The following RCOR2 variants were observed in gnomAD, a reference collection of about 807,000 sequenced individuals.
RCOR2 encodes the protein REST corepressor 2.
RCOR2 carries 19 observed loss-of-function variants against 58.9 expected under a neutral mutation model. The observed-to-expected ratio is 0.32, with a 90% CI of 0.23 to 0.47. The LOEUF is 0.47. Among genes scored for constraint, RCOR2 ranks in the 20% least tolerant of loss-of-function variants. RCOR2 has a pLI of 1.00. For missense variants in RCOR2, 590 were observed against 707.9 expected, an observed-to-expected ratio of 0.83 and a Z score of 1.89; for synonymous variants, 286 against 278.7, an observed-to-expected ratio of 1.03 and a Z score of -0.26.
At position 63,914,772 on chromosome 11, in the gene RCOR2, C is replaced by T. The variant is rs146976071; in HGVS notation, c.363G>A (p.Ser121=). ...LLWHKHDVEK[S]LADLANFTPF... is the part of the protein sequence containing the mutation. ...GGGTGAAGTTGGCCAGGTCGGCCAG[C>T]GACTTCTCCACATCGTGCTTATGCC... The change falls in exon 5 of 12, where the codon TCG becomes TCA. Residue 121 remains serine (S), a synonymous_variant. Coordinates refer to ENST00000301459, the MANE Select transcript of RCOR2 (RefSeq NM_173587.4). 7.2e-4 allele frequency: 1,167 copies of T among 1,612,438 alleles called. 8 individuals are homozygous for T. The African/African-American group carries it at 0.013, about 19-fold the overall frequency.
the RCOR2 span, among the ~76,000 whole-genome samples, chr11:63,924,318 C>T: frequency 6.6e-6 from 1 of 152,190 alleles, no homozygotes; most frequent in Non-Finnish European, 1.5e-5. Context: ...AGCAATTCTC[C>T]TGCCTCAGTC....
chr11:63,919,231 C>A (rs865945286), upstream of RCOR2, among the ~76,000 whole-genome samples: 4 of 152,156 alleles, frequency 2.6e-5, no homozygotes, highest in African/African-American at 9.6e-5. Context: ...TAGTGAAGAA[C>A]CCCCTCATGG....
the RCOR2 span, among the ~76,000 whole-genome samples, chr11:63,922,789 A>G: frequency 2.6e-5 from 4 of 152,300 alleles, no homozygotes; most frequent in East Asian, 7.7e-4. Context: ...GATCCAGCCA[A>G]ACAGGTGGCT....
chr11:63,916,990 G>A lies in RCOR2; in HGVS notation c.-534C>T, dbSNP rs1022710608. 4.1e-5 allele frequency: 6 copies of A among 147,830 alleles called. No homozygotes were observed. Among genetic ancestry groups the A allele is most frequent in the African/African-American group, 1.5e-4 (6 of 41,056 alleles). 9.2% of individuals were successfully genotyped at this position (147,830 alleles called of 1,614,324 possible). A position where few individuals can be genotyped will look rare whatever the true frequency, so the allele number is the denominator to read the frequency against. On this transcript the variant is annotated 5_prime_UTR_variant, in exon 1 of 12. Transcript: ENST00000301459. The stretch of plus-strand genomic sequence containing the variant: ...CACCGGCGGCGGCGGCGGCGGCGAC[G>A]GCGGCGGGACGGCGCGCACGGCGCG...
At chr11:63,927,029 G>A in the RCOR2 span, among the ~76,000 whole-genome samples, 5 of 151,042 alleles carry the variant, frequency 3.3e-5, no homozygotes, top group East Asian at 4.0e-4. Context: ...TTCACCATGG[G>A]TCTTGTACTG....
At chr11:63,913,852 G>A (rs74907710) in intron 8 of RCOR2, 102 bp downstream of exon 8, 41,978 of 1,085,338 alleles carry the variant, frequency 0.039, 1,038 homozygotes, top group Non-Finnish European at 0.047. Context: ...GATGGGGCTC[G>A]GCCCCTGAAC....
chr11:63,917,713 G>T (rs1350318592), upstream of RCOR2, among the ~76,000 whole-genome samples: 2 of 152,174 alleles, frequency 1.3e-5, no homozygotes, highest in East Asian at 3.9e-4. Context: ...GGTCCCCAAG[G>T]GTCGCCCCAA....
upstream of RCOR2, among the ~76,000 whole-genome samples, chr11:63,919,198 G>C (rs899792840): frequency 6.6e-6 from 1 of 152,068 alleles, no homozygotes; most frequent in Non-Finnish European, 1.5e-5. Context: ...GGGGCCACGG[G>C]GTCCAGAGGG....
Position 63,911,982 on chromosome 11 carries a change from G to T in RCOR2, c.1455C>A (p.Pro485=). The T allele has an allele frequency of 7.4e-7, 1 of 1,348,980 alleles. No individual in the cohort carries two copies. Among genetic ancestry groups the T allele is most frequent in the Non-Finnish European group, 9.8e-7 (1 of 1,018,126 alleles). 83.6% of individuals were successfully genotyped at this position (1,348,980 alleles called of 1,614,324 possible). The stretch of plus-strand genomic sequence containing the variant: ...GAGCGGGGCGGATGAGAGGCGGTGG[G>T]GGCTGGTTGGGGGCCAGCCGGGGCT... ...FLQPRLAPNQ[P]PPPLIRPALA... is the part of the protein sequence containing the mutation. The change falls in exon 12 of 12, where the codon CCC becomes CCA. Residue 485 remains proline (P), a synonymous_variant. Transcript: ENST00000301459.
Position 63,915,177 on chromosome 11 carries a change from C to T in RCOR2, c.265+1G>A, listed in dbSNP as rs1302700160. The T allele has an allele frequency of 3.2e-6, 5 of 1,551,058 alleles. No individual in the cohort carries two copies. The highest frequency in any genetic ancestry group is 4.4e-6 in the Non-Finnish European group (5 of 1,146,610). ...ACCTCCCAGGGCTGTGCCCCACTCA[C>T]GCTTGGCATCTGACACACAGTGGTT... On this transcript the variant is annotated splice_donor_variant, in intron 3 of 11. Transcript: ENST00000301459. LOFTEE classifies it high-confidence loss of function.
chr11:63,926,785 T>TG, the RCOR2 span, among the ~76,000 whole-genome samples: 1 of 127,966 alleles, frequency 7.8e-6, no homozygotes, highest in African/African-American at 2.8e-5. Flanking sequence ...GCCTGTTTTT[T>TG]TTTTTTGTTT....
chr11:63,913,455 G>T (rs1355618719), intron 8 of RCOR2, among the ~76,000 whole-genome samples: 1 of 149,580 alleles, frequency 6.7e-6, no homozygotes, highest in Non-Finnish European at 1.5e-5. Context: ...CTCCCAAAGT[G>T]CTGGGATTAC....
Position 63,912,885 on chromosome 11 carries a change from T to C in RCOR2, c.954A>G (p.Pro318=). The change falls in exon 9 of 12, where the codon CCA becomes CCG. Residue 318 remains proline, a synonymous_variant. Transcript: ENST00000301459. ...LRQALEGGID[P]LRPPEANTKF... is the part of the protein sequence containing the mutation. Reference sequence around the variant, plus strand: ...GCAGCCATACCTCCGGGGGGCGTAGTGGATCAATACCGCCCTCCAGGGCTT... The same window carrying C: ...GCAGCCATACCTCCGGGGGGCGTAGCGGATCAATACCGCCCTCCAGGGCTT... The C allele has an allele frequency of 1.2e-6, 2 of 1,613,818 alleles. No homozygotes were observed. The highest frequency in any genetic ancestry group is 2.2e-5 in the South Asian group (2 of 91,058).
upstream of RCOR2, among the ~76,000 whole-genome samples, chr11:63,921,282 G>A (rs906562809): frequency 2.0e-5 from 3 of 152,204 alleles, no homozygotes; most frequent in South Asian, 2.1e-4. Flanking sequence ...CAACAGCTGC[G>A]CCCTCTGGCG....
chr11:63,913,038 A>ATCTGT (rs1941800405), intron 8 of RCOR2, 91 bp from the exon 9 acceptor site: 1 of 1,062,286 alleles, frequency 9.4e-7, no homozygotes, highest in Admixed American at 2.2e-5. Flanking sequence ...CACAGACACC[A>ATCTGT]GCACCACTGC....
chr11:63,916,571 G>C lies in RCOR2; in HGVS notation c.-115C>G. 2 of 1,438,856 alleles carry C rather than the reference G, an allele frequency of 1.4e-6. No homozygotes were observed. The highest frequency in any genetic ancestry group is 9.1e-7 in the Non-Finnish European group (1 of 1,096,960). The allele number at this position is 1,438,856 out of a possible 1,614,324, so 89.1% of individuals were successfully genotyped here. Reference sequence around the variant, plus strand: ...CCTGGAGAGGTCGCCACTGAGGTTAGGAGAGGCAGGAGGTCAGCGTGGCTA... The same window carrying C: ...CCTGGAGAGGTCGCCACTGAGGTTACGAGAGGCAGGAGGTCAGCGTGGCTA... On this transcript the variant is annotated 5_prime_UTR_variant, in exon 1 of 12. Coordinates refer to ENST00000301459, the MANE Select transcript of RCOR2 (RefSeq NM_173587.4).
rs1481888306 is a variant in RCOR2, at chr11:63,911,666, G to A, written c.*199C>T. The A allele has an allele frequency of 1.2e-5, 10 of 841,732 alleles. No homozygotes were observed. Among genetic ancestry groups the A allele is most frequent in the East Asian group, 1.0e-4 (3 of 28,766 alleles). The allele number at this position is 841,732 out of a possible 1,614,324, so 52.1% of individuals were successfully genotyped here. A position where few individuals can be genotyped will look rare whatever the true frequency, so the allele number is the denominator to read the frequency against. Reference sequence around the variant, plus strand: ...GGCCAGCTCAAAGGCCCCTGAGCCCGGCCATGGCCCCAGGAGACAGGCCCA... The same window carrying A: ...GGCCAGCTCAAAGGCCCCTGAGCCCAGCCATGGCCCCAGGAGACAGGCCCA... On this transcript the variant is annotated 3_prime_UTR_variant, in exon 12 of 12. Transcript: ENST00000301459.
chr11:63,918,636 A>ACC (rs1326808891), upstream of RCOR2, among the ~76,000 whole-genome samples: 1 of 151,240 alleles, frequency 6.6e-6, no homozygotes, highest in African/African-American at 2.4e-5. Context: ...TCCCAGGCCG[A>ACC]CCCCTCCTAA....
chr11:63,925,910 C>T, the RCOR2 span, among the ~76,000 whole-genome samples: 1 of 151,904 alleles, frequency 6.6e-6, no homozygotes, highest in South Asian at 2.1e-4. Flanking sequence ...ACCTCTGGAC[C>T]TTTTATTTTT....
Sources: allele counts gnomAD v4.1 joint callset (sites outside exome capture counted in the v4.1 genomes callset), GRCh38; gene constraint gnomAD v4.1.1; transcripts MANE v1.5; gene names NCBI Gene and HGNC (gene_info 2026-07-23, HGNC 2026-07-21).